The following EZH2 variants were observed in gnomAD, a reference collection of about 807,000 sequenced individuals.
EZH2 encodes the protein histone-lysine N-methyltransferase EZH2.
A neutral mutation model predicts 98.4 loss-of-function variants in EZH2; 18 were observed. The ratio of observed to expected loss-of-function variants is 0.18; its 90% CI spans 0.13 to 0.27. The LOEUF is 0.27. Among genes scored for constraint, EZH2 ranks in the 10% least tolerant of loss-of-function variants. EZH2 has a pLI of 1.00. For synonymous variants in EZH2, 338 were observed against 312.3 expected, an observed-to-expected ratio of 1.08 and a Z score of -0.87; for missense variants, 470 against 935.1, an observed-to-expected ratio of 0.50 and a Z score of 6.49.
chr7:148,817,372 T>C lies in EZH2; in HGVS notation c.1260A>G (p.Gln420=). The C allele has an allele frequency of 6.2e-7, 1 of 1,613,120 alleles. No homozygotes were observed. Among genetic ancestry groups the C allele is most frequent in the South Asian group, 1.1e-5 (1 of 90,820 alleles). Residue 420 remains glutamine, a synonymous_variant, in exon 11 of 20, where the codon CAA becomes CAG. Transcript: ENST00000320356. ...SSSSEANSRC[Q]TPIKMKPNIE... ...TATTTGGCTTCATCTTTATTGGTGT[T>C]TGACACCGAGAATTTGCTTCTACAA... is the stretch of plus-strand genomic sequence containing the variant.
chr7:148,809,224 A>C, intron 18 of EZH2, 69 bp from the exon 19 acceptor site: 1 of 1,585,676 alleles, frequency 6.3e-7, no homozygotes, highest in Non-Finnish European at 8.7e-7. Context: ...ACTTGTTCAC[A>C]TAACAAACAA....
intron 3 of EZH2, among the ~76,000 whole-genome samples, chr7:148,842,146 T>A (rs1812616350): frequency 6.6e-6 from 1 of 152,168 alleles, no homozygotes. Flanking sequence ...CTCCTGGGAA[T>A]CTAGAAATGT....
At chr7:148,810,462 A>T (rs368540255) in intron 16 of EZH2, 48 bp from the exon 17 acceptor site, 15 of 1,330,910 alleles carry the variant, frequency 1.1e-5, no homozygotes, top group Non-Finnish European at 1.6e-5. Context: ...AAGGTGATCA[A>T]GCCTGACAGA....
chr7:148,811,762 G>A (rs2129469123), intron 15 of EZH2, 42 bp from the exon 16 acceptor site: 2 of 1,520,520 alleles, frequency 1.3e-6, no homozygotes, highest in Non-Finnish European at 1.8e-6. Flanking sequence ...AAAGGAGGGT[G>A]AAAATGGACT....
chr7:148,827,989 G>A (rs139381720), intron 6 of EZH2, among the ~76,000 whole-genome samples: 2,021 of 152,310 alleles, frequency 0.013, 37 homozygotes, highest in Middle Eastern at 0.031. Context: ...GTGGTGGCAG[G>A]TGCCTATAGT....
chr7:148,820,184 CAT>C (rs1805599406), intron 8 of EZH2, among the ~76,000 whole-genome samples: 1 of 152,188 alleles, frequency 6.6e-6, no homozygotes, highest in Non-Finnish European at 1.5e-5. Context: ...TCCTGTGAAT[CAT>C]ACCCAATCCA....
rs1562997049 is a variant in EZH2, at chr7:148,839,052, A to AGAAG, written c.247-6303_247-6302insCTTC. ...GGGTAATAGAGCAAAACTCTGTCAAATAAGGAAGGAAGGAAGGAAGGAAGG... is the reference window on the plus strand; with the variant it reads ...GGGTAATAGAGCAAAACTCTGTCAAAGAAGTAAGGAAGGAAGGAAGGAAGGAAGG... On this transcript the variant is annotated intron_variant, in intron 3 of 19. Transcript: ENST00000320356. 5.8e-4 allele frequency among the ~76,000 whole-genome samples: 18 copies of AGAAG among 31,126 alleles called. No homozygotes were observed. The Admixed American group carries it at 6.1e-3, about 11-fold the overall frequency. 20.4% of individuals were successfully genotyped at this position (31,126 alleles called of 152,430 possible). A position where few individuals can be genotyped will look rare whatever the true frequency, so the allele number is the denominator to read the frequency against.
In EZH2 at chr7:148,827,084, T is replaced by C. The variant is rs189302316; in HGVS notation, c.728+80A>G. Reference sequence around the variant, plus strand: ...AAAGTGTAGTGGCTCATCCGCTACATTGATTCCATTTGTAATAAACCAAAA... The same window carrying C: ...AAAGTGTAGTGGCTCATCCGCTACACTGATTCCATTTGTAATAAACCAAAA... On this transcript the variant is annotated intron_variant, in intron 7 of 19. Transcript: ENST00000320356. The C allele has an allele frequency of 2.3e-3, 2,473 of 1,054,864 alleles. 7 individuals carry two copies. The highest frequency in any genetic ancestry group is 2.7e-3 in the Non-Finnish European group (1,915 of 709,248). 65.3% of individuals were successfully genotyped at this position (1,054,864 alleles called of 1,614,324 possible).
chr7:148,847,178 A>C lies in EZH2; in HGVS notation c.117+4T>G. The C allele has an allele frequency of 6.2e-7, 1 of 1,603,508 alleles. No individual in the cohort carries two copies. Among genetic ancestry groups the C allele is most frequent in the South Asian group, 1.1e-5 (1 of 88,818 alleles). ...ATTCATTTTCACAAAAGATAAAATT[A>C]TACCTTTACTTCATCAGCTCGTCTG... On this transcript the variant is annotated splice_donor_region_variant and intron_variant, in intron 2 of 19. Transcript: ENST00000320356.
At chr7:148,866,530 A>ATATATACGTATATACATG (rs1563063175) in intron 1 of EZH2, among the ~76,000 whole-genome samples, 5 of 103,114 alleles carry the variant, frequency 4.8e-5, no homozygotes, top group Admixed American at 1.1e-4. Context: ...GTATATACAT[A>ATATATACGTATATACATG]TATATACGTA....
intron 1 of EZH2, among the ~76,000 whole-genome samples, chr7:148,857,085 C>T (rs975485271): frequency 2.0e-5 from 3 of 152,238 alleles, no homozygotes; most frequent in African/African-American, 7.2e-5. Context: ...GGGATTTCAC[C>T]TCTGTGGTAT....
At chr7:148,835,528 C>T (rs1810672207) in intron 3 of EZH2, among the ~76,000 whole-genome samples, 3 of 151,474 alleles carry the variant, frequency 2.0e-5, no homozygotes, top group Admixed American at 2.0e-4. Flanking sequence ...TTCTACTTAA[C>T]TGGGTAAATT....
intron 12 of EZH2, 59 bp downstream of exon 12, chr7:148,816,625 G>A: frequency 7.8e-7 from 1 of 1,287,102 alleles, no homozygotes; most frequent in Non-Finnish European, 1.1e-6. Context: ...CTTAGGAAGG[G>A]CCTTGCCTGC....
chr7:148,816,997 T>C (rs1584931245), intron 11 of EZH2: 1 of 598,806 alleles, frequency 1.7e-6, no homozygotes, highest in Non-Finnish European at 2.9e-6. Context: ...TACTAGCTTT[T>C]AAAAGCTACT....
intron 1 of EZH2, chr7:148,883,652 A>AT (rs1430948575): frequency 6.7e-6 from 1 of 148,364 alleles, no homozygotes; most frequent in East Asian, 2.1e-4. Context: ...CCCGGGTGTC[A>AT]TGCCCCTTCC....
At chr7:148,811,257 T>C (rs1802996331) in intron 16 of EZH2, among the ~76,000 whole-genome samples, 2 of 152,134 alleles carry the variant, frequency 1.3e-5, no homozygotes, top group South Asian at 4.1e-4. Context: ...GCTCAAGCGA[T>C]CTTCCTGCCT....
intron 1 of EZH2, among the ~76,000 whole-genome samples, chr7:148,872,694 T>A (rs1819594195): frequency 6.6e-6 from 1 of 152,220 alleles, no homozygotes; most frequent in African/African-American, 2.4e-5. Context: ...ATGATTGAAA[T>A]TCTTCCACTG....
At chr7:148,866,187 C>T (rs1388677033) in intron 1 of EZH2, among the ~76,000 whole-genome samples, 2 of 152,116 alleles carry the variant, frequency 1.3e-5, no homozygotes, top group East Asian at 3.8e-4. Flanking sequence ...TACAAAATTT[C>T]AAACCCTTCA....
At chr7:148,841,917 A>C (rs952116778) in intron 3 of EZH2, among the ~76,000 whole-genome samples, 1 of 152,194 alleles carries the variant, frequency 6.6e-6, no homozygotes, top group African/African-American at 2.4e-5. Context: ...TGCTAATATC[A>C]AATGCTAAGC....
Sources: gnomAD v4.1 joint callset for allele counts (sites outside exome capture counted in the v4.1 genomes callset) on GRCh38, gnomAD v4.1.1 for gene constraint, MANE v1.5 for transcripts, NCBI Gene and HGNC (gene_info 2026-07-23, HGNC 2026-07-21) for gene names.